Variants in WWOX observed in about 807,000 individuals in gnomAD.
WWOX encodes WW domain containing oxidoreductase, also known as WW domain-containing oxidoreductase.
In WWOX, 69 loss-of-function variants were observed where a neutral mutation model predicts 46.2. That is an observed-to-expected ratio of 1.49 (90% confidence interval 1.23 to 1.82). WWOX has a LOEUF of 1.82. Ranked by LOEUF, WWOX falls within the 40% of genes most tolerant of loss-of-function variation. WWOX has a pLI of 0.00. For missense variants in WWOX, 919 were observed against 542.6 expected, an observed-to-expected ratio of 1.69 and a Z score of -6.89; for synonymous variants, 359 against 202.6, an observed-to-expected ratio of 1.77 and a Z score of -6.56.
intron 8 of WWOX, among the ~76,000 whole-genome samples, chr16:78,676,625 T>G (rs892544008): frequency 6.6e-6 from 1 of 152,170 alleles, no homozygotes; most frequent in Non-Finnish European, 1.5e-5. Flanking sequence ...TGATGTGCTG[T>G]CAGGGGCTGG....
At chr16:78,540,366 C>G (rs1005615754) in intron 8 of WWOX, among the ~76,000 whole-genome samples, 21 of 152,078 alleles carry the variant, frequency 1.4e-4, no homozygotes, top group African/African-American at 4.8e-4. Flanking sequence ...AGAATTGTTG[C>G]CTGGGCCTGG....
chr16:78,710,500 T>TATATATATATATATATATA (rs1567507587), intron 8 of WWOX, among the ~76,000 whole-genome samples: 73 of 68,516 alleles, frequency 1.1e-3, no homozygotes, highest in Non-Finnish European at 1.6e-3. Context: ...ATATATATAT[T>TATATATATATATATATATA]TATATAAATA....
rs148501556 is a variant in WWOX, at chr16:79,157,646, C to T, written c.1057-53962C>T. 4.7e-3 allele frequency among the ~76,000 whole-genome samples: 721 copies of T among 152,220 alleles called. 6 individuals carry two copies. Among genetic ancestry groups the T allele is most frequent in the African/African-American group, 0.016 (669 of 41,520 alleles). On this transcript the variant is annotated intron_variant, in intron 8 of 8. Transcript: ENST00000566780. ...TATTATTATTTAGGTATGCTAAGAC[C>T]AGCAGATCAGGAGACAATGACCACT...
chr16:78,393,697 T>TG (rs2082225800), intron 6 of WWOX, among the ~76,000 whole-genome samples: 3 of 152,296 alleles, frequency 2.0e-5, no homozygotes, highest in African/African-American at 7.2e-5. Context: ...CATATTAAAA[T>TG]AATTACCCAA....
intron 8 of WWOX, among the ~76,000 whole-genome samples, chr16:78,701,911 G>A (rs2048225332): frequency 6.7e-6 from 1 of 150,344 alleles, no homozygotes; most frequent in Non-Finnish European, 1.5e-5. Flanking sequence ...GAAGCCTGGT[G>A]AAGTGACTCA....
intron 8 of WWOX, among the ~76,000 whole-genome samples, chr16:78,633,406 C>T (rs1271353971): frequency 2.0e-5 from 3 of 152,206 alleles, no homozygotes; most frequent in Non-Finnish European, 2.9e-5. Context: ...CCCTCCCTCT[C>T]CACCCTTCCT....
intron 8 of WWOX, among the ~76,000 whole-genome samples, chr16:78,666,822 C>A (rs941584267): frequency 2.0e-5 from 3 of 152,172 alleles, no homozygotes; most frequent in Non-Finnish European, 2.9e-5. Context: ...TAAAAGTTTA[C>A]ATTTAATTTT....
At chr16:78,855,119 G>A (rs1283653538) in intron 8 of WWOX, among the ~76,000 whole-genome samples, 3 of 152,172 alleles carry the variant, frequency 2.0e-5, no homozygotes, top group African/African-American at 7.2e-5. Flanking sequence ...TTTTACAAGT[G>A]TGTTTAAATC....
intron 8 of WWOX, among the ~76,000 whole-genome samples, chr16:79,180,357 T>C (rs904471223): frequency 2.6e-5 from 4 of 152,246 alleles, no homozygotes; most frequent in Non-Finnish European, 4.4e-5. Flanking sequence ...TCAATAGTGA[T>C]TTGAATACTA....
intron 8 of WWOX, among the ~76,000 whole-genome samples, chr16:79,123,599 G>T (rs769435462): frequency 6.6e-6 from 1 of 152,140 alleles, no homozygotes; most frequent in Non-Finnish European, 1.5e-5. Context: ...CTAACAGGCA[G>T]TAGTAGAGCC....
At chr16:78,702,923 C>G (rs886709052) in intron 8 of WWOX, among the ~76,000 whole-genome samples, 1 of 152,124 alleles carries the variant, frequency 6.6e-6, no homozygotes, top group South Asian at 2.1e-4. Context: ...GAAACAGATG[C>G]CTTGGGAGCT....
At chr16:79,157,310 G>T (rs989108873) in intron 8 of WWOX, among the ~76,000 whole-genome samples, 5 of 151,780 alleles carry the variant, frequency 3.3e-5, no homozygotes, top group Middle Eastern at 3.4e-3. Context: ...CTGATTTTAA[G>T]AACTATACCA....
chr16:78,945,780 G>T (rs2045937222), intron 8 of WWOX, among the ~76,000 whole-genome samples: 2 of 151,932 alleles, frequency 1.3e-5, no homozygotes, highest in Non-Finnish European at 2.9e-5. Flanking sequence ...TCTGGTATGT[G>T]TATTATGTTC....
chr16:78,711,656 A>G (rs191445279), intron 8 of WWOX, among the ~76,000 whole-genome samples: 2 of 152,296 alleles, frequency 1.3e-5, no homozygotes, highest in East Asian at 3.9e-4. Context: ...TGTATTTGAG[A>G]CGAACAGGCC....
intron 8 of WWOX, among the ~76,000 whole-genome samples, chr16:78,663,383 T>C (rs1198480111): frequency 1.3e-5 from 2 of 152,206 alleles, no homozygotes; most frequent in Admixed American, 6.5e-5. Flanking sequence ...CCAAATAATA[T>C]TCTATTCTAT....
At chr16:78,666,547 C>T (rs958255083) in intron 8 of WWOX, among the ~76,000 whole-genome samples, 74 of 152,106 alleles carry the variant, frequency 4.9e-4, no homozygotes, top group African/African-American at 1.8e-3. Context: ...TCTCTAGAAC[C>T]ATTTGATTGG....
intron 8 of WWOX, among the ~76,000 whole-genome samples, chr16:78,787,202 A>G (rs2050479232): frequency 4.6e-5 from 7 of 152,176 alleles, no homozygotes; most frequent in Admixed American, 3.9e-4. Flanking sequence ...TGACCATTTT[A>G]AAGTGTAAAA....
chr16:78,533,428 C>G (rs1049010621), intron 8 of WWOX, among the ~76,000 whole-genome samples: 1 of 150,134 alleles, frequency 6.7e-6, no homozygotes, highest in African/African-American at 2.5e-5. Context: ...AAAAAAAATC[C>G]CCAAAAAATC....
intron 8 of WWOX, among the ~76,000 whole-genome samples, chr16:78,771,446 G>A (rs1231447765): frequency 1.3e-5 from 2 of 152,192 alleles, no homozygotes; most frequent in African/African-American, 4.8e-5. Flanking sequence ...CATCATGAGT[G>A]TAATTAATGC....
Sources: allele counts gnomAD v4.1 joint callset (sites outside exome capture counted in the v4.1 genomes callset), GRCh38; gene constraint gnomAD v4.1.1; transcripts MANE v1.5; gene names NCBI Gene and HGNC (gene_info 2026-07-23, HGNC 2026-07-21).